NPEPPS: variants seen among roughly 807,000 people sequenced by gnomAD.
The protein encoded by NPEPPS is aminopeptidase puromycin sensitive.
Under a neutral mutation model 115.5 loss-of-function variants are expected in NPEPPS, and 14 were observed. The observed-to-expected ratio is 0.12, with a 90% CI of 0.08 to 0.19. The LOEUF is 0.19. Among genes scored for constraint, NPEPPS ranks in the 10% least tolerant of loss-of-function variants. The pLI, the probability that NPEPPS is intolerant of heterozygous loss-of-function variation, is 1.00. For missense variants in NPEPPS, 523 were observed against 1,110.8 expected (o/e 0.47, Z 7.52); for synonymous variants, 285 against 390.6 (o/e 0.73, Z 3.19).
At chr17:47,569,766 TAC>T in intron 3 of NPEPPS, among the ~76,000 whole-genome samples, 1 of 152,250 alleles carries the variant, frequency 6.6e-6, no homozygotes, top group Non-Finnish European at 1.5e-5. Flanking sequence ...TACAGGTGCC[TAC>T]CACCACACCG....
chr17:47,530,035 C>A (rs1200452103), upstream of NPEPPS, among the ~76,000 whole-genome samples: 1 of 147,118 alleles, frequency 6.8e-6, no homozygotes, highest in East Asian at 2.0e-4. Flanking sequence ...CTCCAGGGTT[C>A]AAGCGATTCT....
chr17:47,596,252 C>G, intron 12 of NPEPPS, 101 bp from the exon 13 acceptor site: 1 of 674,402 alleles, frequency 1.5e-6, no homozygotes, highest in Non-Finnish European at 2.4e-6. Context: ...CTGAAAGAAC[C>G]AAAGAATTAG....
At chr17:47,535,137 G>A (rs1467227740) in intron 1 of NPEPPS, among the ~76,000 whole-genome samples, 2 of 148,696 alleles carry the variant, frequency 1.3e-5, no homozygotes. Context: ...CAGCTGCTCA[G>A]GAGCCTGAGG....
At chr17:47,594,098 T>C (rs1912683701) in intron 12 of NPEPPS, among the ~76,000 whole-genome samples, 1 of 152,078 alleles carries the variant, frequency 6.6e-6, no homozygotes, top group African/African-American at 2.4e-5. Flanking sequence ...AAAGCTGCAG[T>C]GAGCTGTGAT....
chr17:47,622,747 C>A lies in NPEPPS; in HGVS notation c.*827C>A. 1 of 396,206 alleles carries A rather than the reference C, an allele frequency of 2.5e-6. No homozygotes were observed. Among genetic ancestry groups the A allele is most frequent in the African/African-American group, 2.2e-5 (1 of 46,430 alleles). The allele number at this position is 396,206 out of a possible 1,614,324, so 24.5% of individuals were successfully genotyped here. A position where few individuals can be genotyped will look rare whatever the true frequency, so the allele number is the denominator to read the frequency against. On this transcript the variant is annotated 3_prime_UTR_variant, in exon 23 of 23. Coordinates refer to ENST00000322157, the MANE Select transcript of NPEPPS (RefSeq NM_006310.4). The stretch of plus-strand genomic sequence containing the variant: ...CTTTTTAAAGATGACTTATAAGAAC[C>A]CTGAAATTTATATAGGTGAGACAAT...
chr17:47,523,148 C>A, intron 1 of NPEPPS: 1 of 634,394 alleles, frequency 1.6e-6, no homozygotes, highest in East Asian at 2.9e-5. Flanking sequence ...GTCAGAGAGG[C>A]TAAACAGTAA....
At chr17:47,599,829 T>C (rs1275676543) in intron 14 of NPEPPS, 90 bp downstream of exon 14, 2 of 1,153,334 alleles carry the variant, frequency 1.7e-6, no homozygotes, top group Non-Finnish European at 2.5e-6. Flanking sequence ...AATTTTTCTT[T>C]TTTTTTTTTG....
At chr17:47,620,959 G>T (rs1295132245) in intron 22 of NPEPPS, among the ~76,000 whole-genome samples, 1 of 152,060 alleles carries the variant, frequency 6.6e-6, no homozygotes, top group Non-Finnish European at 1.5e-5. Context: ...GAGGTGGGAG[G>T]ATTGCTTGAG....
chr17:47,621,960 G>A lies in NPEPPS; in HGVS notation c.*40G>A. 6.4e-7 allele frequency: 1 copy of A among 1,565,102 alleles called. No individual in the cohort carries two copies. Among genetic ancestry groups the A allele is most frequent in the Non-Finnish European group, 8.7e-7 (1 of 1,152,060 alleles). On this transcript the variant is annotated 3_prime_UTR_variant, in exon 23 of 23. Coordinates refer to ENST00000322157, the MANE Select transcript of NPEPPS (RefSeq NM_006310.4). The stretch of plus-strand genomic sequence containing the variant: ...CCATTGGCGGTTCTGCTGCTTCGCT[G>A]CAGGGATAAGGTGGAGCTACCGAAC...
intron 8 of NPEPPS, chr17:47,586,890 C>G: frequency 2.5e-6 from 1 of 401,538 alleles, no homozygotes; most frequent in South Asian, 2.0e-5. Context: ...AATGCATCTT[C>G]CTCCACCACT....
intron 9 of NPEPPS, among the ~76,000 whole-genome samples, chr17:47,590,473 AAAG>A (rs948947585): frequency 2.0e-5 from 3 of 151,956 alleles, no homozygotes; most frequent in Non-Finnish European, 4.4e-5. Flanking sequence ...AAAAAAAAGA[AAAG>A]AAAGGAAAAG....
intron 5 of NPEPPS, 37 bp from the exon 6 acceptor site, chr17:47,585,463 A>G (rs1450496547): frequency 6.8e-7 from 1 of 1,472,604 alleles, no homozygotes; most frequent in Admixed American, 1.7e-5. Context: ...TATTAATGTA[A>G]ACCTATTTAA....
At chr17:47,573,492 G>T (rs577657936) in intron 3 of NPEPPS, among the ~76,000 whole-genome samples, 1 of 152,210 alleles carries the variant, frequency 6.6e-6, no homozygotes, top group Non-Finnish European at 1.5e-5. Context: ...CTTTGTAAAA[G>T]ATATTGGAGT....
intron 9 of NPEPPS, among the ~76,000 whole-genome samples, chr17:47,587,752 A>G (rs2143859965): frequency 6.6e-6 from 1 of 152,310 alleles, no homozygotes; most frequent in East Asian, 1.9e-4. Flanking sequence ...ACTGATCTTT[A>G]ATTAGAGAGA....
At chr17:47,621,267 C>G (rs1013623829) in intron 22 of NPEPPS, among the ~76,000 whole-genome samples, 2 of 151,246 alleles carry the variant, frequency 1.3e-5, no homozygotes, top group African/African-American at 2.4e-5. Context: ...TCATCCCTTA[C>G]AAATTAATCT....
At chr17:47,534,820 T>C (rs1390783846) in intron 1 of NPEPPS, among the ~76,000 whole-genome samples, 1 of 151,658 alleles carries the variant, frequency 6.6e-6, no homozygotes, top group Non-Finnish European at 1.5e-5. Flanking sequence ...CCCCTTCCCT[T>C]GGCCTCCCAA....
chr17:47,579,930 CGTGTGTGTGTGT>C (rs10591746), intron 4 of NPEPPS: 51 of 146,614 alleles, frequency 3.5e-4, no homozygotes, highest in East Asian at 1.4e-3. Context: ...TTTTTTTCTC[CGTGTGTGTGTGT>C]GTGTGTGTGT....
chr17:47,614,085 G>A (rs1310589861), intron 19 of NPEPPS, among the ~76,000 whole-genome samples: 1 of 151,452 alleles, frequency 6.6e-6, no homozygotes. Context: ...ATCCTCCTGC[G>A]TCAGCCTTCC....
At chr17:47,568,204 C>T (rs1392208193) in intron 2 of NPEPPS, among the ~76,000 whole-genome samples, 1 of 150,894 alleles carries the variant, frequency 6.6e-6, no homozygotes, top group Non-Finnish European at 1.5e-5. Context: ...CGCTCTGTCG[C>T]CCAGGCTGGA....
Sources: allele counts gnomAD v4.1 joint callset (sites outside exome capture counted in the v4.1 genomes callset), GRCh38; gene constraint gnomAD v4.1.1; transcripts MANE v1.5; gene names NCBI Gene and HGNC (gene_info 2026-07-23, HGNC 2026-07-21).